The following COL4A5 variants were observed in gnomAD, a reference collection of about 807,000 sequenced individuals.
The protein encoded by COL4A5 is collagen type IV alpha 5 chain, also known as collagen alpha-5(IV) chain.
Under a neutral mutation model 130.2 loss-of-function variants are expected in COL4A5, and 26 were observed. The ratio of observed to expected loss-of-function variants is 0.20; its 90% CI spans 0.15 to 0.28. COL4A5 has a LOEUF of 0.28. Ranked by LOEUF, COL4A5 falls within the 10% of genes least tolerant of loss-of-function variation. The probability of loss-of-function intolerance (pLI) is 1.00; values close to 1 mark genes in which losing one functional copy is unlikely to be tolerated. For missense variants in COL4A5, 1,131 were observed against 1,344.3 expected (o/e 0.84, Z 2.48); for synonymous variants, 496 against 439.6 (o/e 1.13, Z -1.60).
intron 1 of COL4A5, among the ~76,000 whole-genome samples, chrX:108,452,623 G>GT (rs1430031742): frequency 9.0e-6 from 1 of 111,675 alleles, no homozygotes; most frequent in African/African-American, 3.3e-5. Context: ...TTGGCTCTCT[G>GT]TTTGTCTGTT....
At chrX:108,447,419 C>G (rs1344364345) in intron 1 of COL4A5, among the ~76,000 whole-genome samples, 1 of 111,824 alleles carries the variant, frequency 8.9e-6, no homozygotes, top group Non-Finnish European at 1.9e-5. Context: ...CCTCACATTT[C>G]CTCAGTAGCC....
At chrX:108,651,518 G>A (rs1329449994) in intron 36 of COL4A5, among the ~76,000 whole-genome samples, 4 of 111,254 alleles carry the variant, frequency 3.6e-5, no homozygotes, top group African/African-American at 9.8e-5. Flanking sequence ...AATTAACTTT[G>A]GGCACATTTT....
chrX:108,612,011 AAT>A (rs1415697350), intron 29 of COL4A5, among the ~76,000 whole-genome samples: 1 of 111,651 alleles, frequency 9.0e-6, no homozygotes, highest in Non-Finnish European at 1.9e-5. Context: ...AAATCAATGT[AAT>A]TTGCCATATC....
intron 1 of COL4A5, among the ~76,000 whole-genome samples, chrX:108,525,525 T>C (rs753585860): frequency 8.9e-6 from 1 of 111,967 alleles, no homozygotes; most frequent in South Asian, 3.7e-4. Context: ...AATTTCACTT[T>C]TTGTTTTCTA....
At chrX:108,485,283 T>C (rs1286842917) in intron 1 of COL4A5, among the ~76,000 whole-genome samples, 1 of 111,931 alleles carries the variant, frequency 8.9e-6, no homozygotes, top group Non-Finnish European at 1.9e-5. Flanking sequence ...AGCCCTCTTG[T>C]TGTTGTACCC....
chrX:108,654,144 T>C (rs952755460), intron 36 of COL4A5, among the ~76,000 whole-genome samples: 5 of 112,581 alleles, frequency 4.4e-5, no homozygotes, highest in African/African-American at 1.6e-4. Context: ...CAGCAAGCCC[T>C]GCAGTAGAGA....
intron 49 of COL4A5, 122 bp from the exon 50 acceptor site, chrX:108,692,626 T>A: frequency 1.8e-6 from 1 of 543,667 alleles, no homozygotes; most frequent in Non-Finnish European, 3.1e-6. Flanking sequence ...AGAAATATAG[T>A]ATATTTATTA....
At chrX:108,595,373 A>T (rs2066496251) in intron 21 of COL4A5, 136 bp from the exon 22 acceptor site, 1 of 532,027 alleles carries the variant, frequency 1.9e-6, no homozygotes, top group African/African-American at 2.3e-5. Flanking sequence ...TCATAAATTG[A>T]TTCAGGATAT....
chrX:108,673,311 CA>C (rs2068241117), intron 42 of COL4A5, among the ~76,000 whole-genome samples: 1 of 111,648 alleles, frequency 9.0e-6, no homozygotes, highest in African/African-American at 3.3e-5. Flanking sequence ...GTAGCAGAGT[CA>C]AAAATAGATC....
At chrX:108,526,555 C>T (rs1375705715) in intron 1 of COL4A5, among the ~76,000 whole-genome samples, 1 of 98,176 alleles carries the variant, frequency 1.0e-5, no homozygotes. Flanking sequence ...TTCCTTCCTT[C>T]CCTCCCTCCT....
At chrX:108,526,335 G>T (rs1422314450) in intron 1 of COL4A5, among the ~76,000 whole-genome samples, 1 of 111,774 alleles carries the variant, frequency 8.9e-6, no homozygotes, top group Non-Finnish European at 1.9e-5. Context: ...ACAATATCCA[G>T]ATACTTGAGT....
At chrX:108,526,600 CTTTCTTTCTTTCT>C (rs1569481127) in intron 1 of COL4A5, among the ~76,000 whole-genome samples, 190 of 23,287 alleles carry the variant, frequency 8.2e-3, no homozygotes, top group Admixed American at 0.012. Context: ...TCCCTCCTTT[CTTTCTTTCTTTCT>C]TTCTTTCTTT....
chrX:108,554,438 CTG>C (rs1419309057), intron 2 of COL4A5, among the ~76,000 whole-genome samples: 1 of 111,397 alleles, frequency 9.0e-6, no homozygotes. Flanking sequence ...GTGGGGGAAA[CTG>C]GCCCCATGAT....
At chrX:108,504,669 C>T (rs1010064314) in intron 1 of COL4A5, among the ~76,000 whole-genome samples, 13 of 112,053 alleles carry the variant, frequency 1.2e-4, no homozygotes, top group Non-Finnish European at 2.1e-4. Flanking sequence ...AATGTAAATG[C>T]AAATTAAAAC....
intron 28 of COL4A5, among the ~76,000 whole-genome samples, chrX:108,604,688 C>G (rs2147827419): frequency 8.9e-6 from 1 of 112,284 alleles, no homozygotes; most frequent in East Asian, 2.8e-4. Context: ...CAGTAATTTA[C>G]TTATCTTCTC....
intron 36 of COL4A5, among the ~76,000 whole-genome samples, chrX:108,634,880 G>A (rs751760710): frequency 2.7e-4 from 30 of 110,501 alleles, no homozygotes; most frequent in Non-Finnish European, 4.7e-4. Flanking sequence ...ACACTACCAC[G>A]TGAAACAAAG....
At chrX:108,520,948 T>A (rs1323880766) in intron 1 of COL4A5, among the ~76,000 whole-genome samples, 2 of 112,014 alleles carry the variant, frequency 1.8e-5, no homozygotes, top group Non-Finnish European at 3.8e-5. Context: ...TGTCTCTTGC[T>A]TTCCAGGGTA....
chrX:108,600,890 GGGTA>G (rs765496554), intron 25 of COL4A5, among the ~76,000 whole-genome samples: 67 of 111,409 alleles, frequency 6.0e-4, no homozygotes, highest in African/African-American at 1.9e-3. Context: ...TGATGTCCAA[GGGTA>G]GGAGAGGATG....
At chrX:108,489,424 C>T (rs1381064304) in intron 1 of COL4A5, among the ~76,000 whole-genome samples, 1 of 111,789 alleles carries the variant, frequency 8.9e-6, no homozygotes, top group Non-Finnish European at 1.9e-5. Flanking sequence ...GTATTCCCCT[C>T]TAGCACTGGT....
Sources: gnomAD v4.1 joint callset for allele counts (sites outside exome capture counted in the v4.1 genomes callset) on GRCh38, gnomAD v4.1.1 for gene constraint, MANE v1.5 for transcripts, NCBI Gene and HGNC (gene_info 2026-07-23, HGNC 2026-07-21) for gene names.